The following WWOX variants were observed in gnomAD, a reference collection of about 807,000 sequenced individuals.
The protein encoded by WWOX is WW domain-containing oxidoreductase.
In WWOX, 69 loss-of-function variants were observed where a neutral mutation model predicts 46.2. The ratio of observed to expected loss-of-function variants is 1.49; its 90% CI spans 1.23 to 1.82. The LOEUF (loss-of-function observed/expected upper bound fraction) is 1.82, where lower values mean the gene tolerates loss of function less well. Among genes scored for constraint, WWOX ranks in the 40% most tolerant of loss-of-function variants. The pLI is 0.00. For missense variants in WWOX, 919 were observed against 542.6 expected, an observed-to-expected ratio of 1.69 and a Z score of -6.89; for synonymous variants, 359 against 202.6, an observed-to-expected ratio of 1.77 and a Z score of -6.56.
At chr16:79,031,344 C>G (rs1396906220) in intron 8 of WWOX, among the ~76,000 whole-genome samples, 1 of 152,106 alleles carries the variant, frequency 6.6e-6, no homozygotes, top group Non-Finnish European at 1.5e-5. Flanking sequence ...CACTGCAGTC[C>G]TGGGACAGTC....
chr16:79,041,051 C>G (rs576328464), intron 8 of WWOX, among the ~76,000 whole-genome samples: 1 of 151,936 alleles, frequency 6.6e-6, no homozygotes, highest in African/African-American at 2.4e-5. Flanking sequence ...AGTCTCTTAT[C>G]CAAGCAGAAA....
At position 78,991,695 on chromosome 16, in the gene WWOX, A is replaced by C. The variant is rs373673897; in HGVS notation, c.1057-219913A>C. ...CCTCAGAACCTCAGTTTCCTTTCCT[A>C]TACAACGCAAGCCATAAGGTTAACC... On this transcript the variant is annotated intron_variant, in intron 8 of 8. Transcript: ENST00000566780. Among the ~76,000 whole-genome samples, 147 of 151,270 alleles carry C rather than the reference A, an allele frequency of 9.7e-4. 3 individuals carry two copies. The South Asian group carries it at 0.026, about 27-fold the overall frequency.
intron 4 of WWOX, among the ~76,000 whole-genome samples, chr16:78,122,388 C>G (rs1284485734): frequency 6.6e-6 from 1 of 151,970 alleles, no homozygotes; most frequent in East Asian, 1.9e-4. Flanking sequence ...AAATGAGAGT[C>G]ATACAAACTA....
At chr16:78,546,968 A>C (rs983045633) in intron 8 of WWOX, among the ~76,000 whole-genome samples, 8 of 151,782 alleles carry the variant, frequency 5.3e-5, no homozygotes, top group African/African-American at 1.7e-4. Flanking sequence ...CTCTACAAAA[A>C]ATAGAAAAAA....
At chr16:78,700,186 T>C (rs552592754) in intron 8 of WWOX, among the ~76,000 whole-genome samples, 1 of 152,108 alleles carries the variant, frequency 6.6e-6, no homozygotes, top group East Asian at 1.9e-4. Context: ...CTTGATTTTT[T>C]TTTTTTTCTC....
At chr16:78,441,305 C>A (rs11862902) in intron 8 of WWOX, among the ~76,000 whole-genome samples, 12,469 of 152,108 alleles carry the variant, frequency 0.082, 922 homozygotes, top group African/African-American at 0.19. Context: ...TGGTCCATAC[C>A]GTAAATGTTC....
intron 8 of WWOX, among the ~76,000 whole-genome samples, chr16:78,798,466 A>T (rs1043156286): frequency 6.6e-6 from 1 of 152,044 alleles, no homozygotes; most frequent in East Asian, 1.9e-4. Context: ...CTTTTTTGTT[A>T]TGTACTCATG....
intron 6 of WWOX, among the ~76,000 whole-genome samples, chr16:78,409,196 TA>T (rs1199984210): frequency 3.9e-5 from 6 of 152,188 alleles, no homozygotes; most frequent in East Asian, 1.9e-4. Flanking sequence ...CCTATTGGTT[TA>T]AAAAAAATTT....
At chr16:78,799,083 T>C (rs1468921734) in intron 8 of WWOX, among the ~76,000 whole-genome samples, 2 of 152,234 alleles carry the variant, frequency 1.3e-5, no homozygotes, top group Admixed American at 6.5e-5. Context: ...TTTGTCACAA[T>C]AAGTGTTTTT....
At chr16:78,483,854 T>A (rs922710794) in intron 8 of WWOX, among the ~76,000 whole-genome samples, 4 of 152,206 alleles carry the variant, frequency 2.6e-5, no homozygotes, top group Non-Finnish European at 2.9e-5. Context: ...AGCATCATGA[T>A]GCAAGCATTG....
chr16:78,684,326 C>T (rs925433807), intron 8 of WWOX, among the ~76,000 whole-genome samples: 3 of 152,126 alleles, frequency 2.0e-5, no homozygotes, highest in Admixed American at 6.5e-5. Flanking sequence ...GCAGGTAATA[C>T]AAAACCCACC....
intron 8 of WWOX, among the ~76,000 whole-genome samples, chr16:78,745,049 C>G (rs2049316254): frequency 1.3e-5 from 2 of 152,116 alleles, no homozygotes; most frequent in Admixed American, 6.5e-5. Context: ...TGACGCCTGC[C>G]ACTGCATTTT....
At chr16:78,231,523 T>G (rs781096982) in intron 5 of WWOX, among the ~76,000 whole-genome samples, 16 of 152,330 alleles carry the variant, frequency 1.1e-4, no homozygotes, top group African/African-American at 1.9e-4. Context: ...TTGCCTTTCC[T>G]TAGTTAATCT....
chr16:79,110,424 G>C (rs573679121), intron 8 of WWOX, among the ~76,000 whole-genome samples: 9 of 152,294 alleles, frequency 5.9e-5, no homozygotes, highest in Admixed American at 5.9e-4. Flanking sequence ...CAAGGAGCAA[G>C]TTGGAGTCCT....
At chr16:78,765,425 T>G (rs1217218261) in intron 8 of WWOX, among the ~76,000 whole-genome samples, 1 of 152,088 alleles carries the variant, frequency 6.6e-6, no homozygotes, top group African/African-American at 2.4e-5. Flanking sequence ...ATACTTATAA[T>G]CCCAGCACTT....
intron 5 of WWOX, among the ~76,000 whole-genome samples, chr16:78,285,516 G>T (rs1422289494): frequency 6.6e-6 from 1 of 152,142 alleles, no homozygotes; most frequent in African/African-American, 2.4e-5. Flanking sequence ...GCTCCATGAA[G>T]CCCCATAGGA....
At chr16:78,855,888 A>T (rs2052554731) in intron 8 of WWOX, among the ~76,000 whole-genome samples, 1 of 152,166 alleles carries the variant, frequency 6.6e-6, no homozygotes, top group African/African-American at 2.4e-5. Context: ...CCCAGTCCTT[A>T]CTCTCATGTA....
intron 8 of WWOX, among the ~76,000 whole-genome samples, chr16:78,702,033 ATATATATATAT>A (rs2048230460): frequency 8.1e-6 from 1 of 123,046 alleles, no homozygotes; most frequent in African/African-American, 4.1e-5. Flanking sequence ...ATATATATAT[ATATATATATAT>A]AAAATAATGC....
At chr16:78,421,007 T>G (rs9936308) in intron 6 of WWOX, among the ~76,000 whole-genome samples, 1 of 152,070 alleles carries the variant, frequency 6.6e-6, no homozygotes, top group Admixed American at 6.6e-5. Flanking sequence ...TTTATCCACT[T>G]CTCTGTTGTT....
Sources: allele counts gnomAD v4.1 joint callset (sites outside exome capture counted in the v4.1 genomes callset), GRCh38; gene constraint gnomAD v4.1.1; transcripts MANE v1.5; gene names NCBI Gene and HGNC (gene_info 2026-07-23, HGNC 2026-07-21).